The following MDN1 variants were observed in gnomAD, a reference collection of about 807,000 sequenced individuals.
The protein encoded by MDN1 is midasin AAA ATPase 1, also known as midasin.
MDN1 carries 266 observed loss-of-function variants against 669.2 expected under a neutral mutation model. That is an observed-to-expected ratio of 0.40 (90% CI 0.36 to 0.44). The LOEUF is 0.44. MDN1 is among the 20% of genes least tolerant of loss of function. The pLI is 1.00. For missense variants in MDN1, 5,940 were observed against 6,754.0 expected, an observed-to-expected ratio of 0.88 and a Z score of 4.22; for synonymous variants, 2,385 against 2,457.1, an observed-to-expected ratio of 0.97 and a Z score of 0.87.
In MDN1 at chr6:89,730,704, A is replaced by T. The variant is rs201992993; in HGVS notation, c.5140+22T>A. On this transcript the variant is annotated intron_variant, in intron 35 of 101. Coordinates refer to ENST00000369393, the MANE Select transcript of MDN1 (RefSeq NM_014611.3). The stretch of plus-strand genomic sequence containing the variant: ...TATGATCTATAGAAAAGGAAAATTC[A>T]TTTTTTAAAAATCATTCTTACCCCT... 3 of 1,596,002 alleles carry T rather than the reference A, an allele frequency of 1.9e-6. No individual in the cohort carries two copies. In the East Asian group the frequency reaches 6.7e-5, roughly 36 times the overall value.
At chr6:89,725,944 C>T (rs988423846) in intron 37 of MDN1, among the ~76,000 whole-genome samples, 2 of 151,246 alleles carry the variant, frequency 1.3e-5, no homozygotes, top group African/African-American at 2.4e-5. Flanking sequence ...CACACACACA[C>T]ACACACACAC....
intron 15 of MDN1, among the ~76,000 whole-genome samples, chr6:89,767,613 C>T (rs753532140): frequency 6.6e-5 from 10 of 151,920 alleles, no homozygotes; most frequent in South Asian, 2.1e-4. Context: ...CAAAATTATC[C>T]GACATGGTGG....
At chr6:89,689,621 CCCAAAGGAT>C (rs1379031394) in intron 65 of MDN1, among the ~76,000 whole-genome samples, 1 of 152,170 alleles carries the variant, frequency 6.6e-6, no homozygotes, top group Non-Finnish European at 1.5e-5. Context: ...AATCCCTCAC[CCCAAAGGAT>C]CCAAACAATA....
chr6:89,792,989 G>A (rs541194306), intron 5 of MDN1, among the ~76,000 whole-genome samples: 26 of 152,168 alleles, frequency 1.7e-4, no homozygotes, highest in Non-Finnish European at 3.8e-4. Context: ...CACTGCACTT[G>A]CACTACAGCC....
intron 11 of MDN1, 90 bp downstream of exon 11, chr6:89,780,122 G>T (rs1444255799): frequency 3.0e-6 from 2 of 668,724 alleles, no homozygotes; most frequent in Non-Finnish European, 4.9e-6. Context: ...AAAGAAAAAA[G>T]TCTGATGGCA....
chr6:89,782,152 T>C (rs1449363243), intron 9 of MDN1, among the ~76,000 whole-genome samples: 1 of 152,148 alleles, frequency 6.6e-6, no homozygotes, highest in Non-Finnish European at 1.5e-5. Context: ...CAATACAGTT[T>C]CAGCGGTAGA....
chr6:89,748,896 C>A (rs1328367694), intron 26 of MDN1, among the ~76,000 whole-genome samples: 4 of 147,408 alleles, frequency 2.7e-5, no homozygotes, highest in Admixed American at 6.8e-5. Flanking sequence ...CTTGTCTCTA[C>A]AAAAAAAAAA....
At chr6:89,782,484 T>C (rs939610145) in intron 9 of MDN1, among the ~76,000 whole-genome samples, 18 of 151,826 alleles carry the variant, frequency 1.2e-4, no homozygotes, top group Admixed American at 6.6e-4. Context: ...CCCAGGTACC[T>C]GGCAGGCTGA....
chr6:89,804,341 T>A (rs1266693944), intron 1 of MDN1, among the ~76,000 whole-genome samples: 2 of 152,148 alleles, frequency 1.3e-5, no homozygotes, highest in Admixed American at 6.5e-5. Context: ...GTGGAAATTT[T>A]TTGCAATGGA....
chr6:89,803,895 C>T (rs112375347), intron 1 of MDN1, among the ~76,000 whole-genome samples: 35,850 of 76,232 alleles, frequency 0.47, 9,307 homozygotes, highest in East Asian at 0.63. Context: ...CTTTTCTTTT[C>T]TTTTTTTTTT....
At position 89,662,167 on chromosome 6, in the gene MDN1, C is replaced by T. The variant is rs1287727749; in HGVS notation, c.14485G>A (p.Asp4829Asn). 2 of 1,614,096 alleles carry T rather than the reference C, an allele frequency of 1.2e-6. No individual in the cohort carries two copies. Among genetic ancestry groups the T allele is most frequent in the Admixed American group, 3.3e-5 (2 of 60,004 alleles). ...GCTTCTTCCTTTTCTTCCTTCTTAT[C>T]TTGCTGGCTTTTATCTTTGTTTGAA... The part of the protein sequence containing the change: ...GNSNKDKSQQ[D>N]KKEEKEEAEA... Residue 4829 changes from aspartate (D) to asparagine (N), a missense_variant, in exon 87 of 102, where the codon GAT becomes AAT. Physicochemically the swap from Asp to Asn is conservative, Grantham distance 23. Transcript: ENST00000369393.
intron 59 of MDN1, 105 bp from the exon 60 acceptor site, chr6:89,696,679 G>C: frequency 1.2e-6 from 1 of 811,554 alleles, no homozygotes; most frequent in East Asian, 2.6e-5. Context: ...AGGTTGCTTG[G>C]AACAGGTAAG....
chr6:89,795,264 A>T (rs1216013290), intron 2 of MDN1, among the ~76,000 whole-genome samples: 1 of 152,180 alleles, frequency 6.6e-6, no homozygotes, highest in African/African-American at 2.4e-5. Context: ...AACCAAATAG[A>T]TACTCTTCTT....
intron 20 of MDN1, 68 bp from the exon 21 acceptor site, chr6:89,754,298 A>T: frequency 6.7e-7 from 1 of 1,496,308 alleles, no homozygotes; most frequent in African/African-American, 1.4e-5. Flanking sequence ...AATTCTCTAC[A>T]GAAAACCCAA....
chr6:89,764,986 C>T (rs181393482), intron 15 of MDN1, among the ~76,000 whole-genome samples: 51 of 152,258 alleles, frequency 3.3e-4, no homozygotes, highest in Middle Eastern at 3.4e-3. Context: ...GGGCTGGGCG[C>T]GGTGGCTCAC....
Position 89,662,143 on chromosome 6 carries a change from CTTCTTCCTT to C in MDN1, c.14500_14508del (p.Lys4834_Glu4836del), listed in dbSNP as rs759218201. 8.1e-6 allele frequency: 13 copies of C among 1,613,980 alleles called. No individual in the cohort carries two copies. In the South Asian group the frequency reaches 8.8e-5, roughly 11 times the overall value. ...CCTTGTCCACCATCATCAGCTTCTG[CTTCTTCCTT>C]TTCTTCCTTCTTATCTTGCTGGCTT... is the stretch of plus-strand genomic sequence containing the variant. On this transcript the variant is annotated inframe_deletion, in exon 87 of 102. Transcript: ENST00000369393.
In MDN1 at chr6:89,722,956, T is replaced by C; in HGVS notation, c.5966A>G (p.Lys1989Arg). The change falls in exon 40 of 102, where the codon AAG (lysine) becomes AGG (arginine). Residue 1989 changes from lysine (K) to arginine (R), a missense_variant and splice_region_variant. By Grantham distance (26) the Lys-to-Arg change is conservative. Coordinates refer to ENST00000369393, the MANE Select transcript of MDN1 (RefSeq NM_014611.3). The part of the protein sequence containing the change: ...ERMRTEEDKK[K>R]VIAVFKDVFG... ...ACAAATACCAAGCGTGAAACTCACC[T>C]TTTTTTTGTCCTCTTCGGTTCTCAT... is the stretch of plus-strand genomic sequence containing the variant. 1 of 1,565,028 alleles carries C rather than the reference T, an allele frequency of 6.4e-7. No individual in the cohort carries two copies.
chr6:89,749,262 G>A lies in MDN1; in HGVS notation c.3723C>T (p.Ser1241=). ...TGACTTTAACCAACTTGCTGCAATA[G>A]GAGGGTGGCAAACTACACCGCTTGT... is the stretch of plus-strand genomic sequence containing the variant. ...ILHKRCSLPP[S]YCSKLVKVML... The change falls in exon 26 of 102, where the codon TCC becomes TCT. Residue 1241 remains serine, a synonymous_variant. Transcript: ENST00000369393. The A allele has an allele frequency of 1.2e-6, 2 of 1,614,010 alleles. No individual in the cohort carries two copies. Among genetic ancestry groups the A allele is most frequent in the Non-Finnish European group, 1.7e-6 (2 of 1,179,976 alleles).
At chr6:89,687,048 G>A in intron 68 of MDN1, 25 bp from the exon 69 acceptor site, 1 of 1,607,056 alleles carries the variant, frequency 6.2e-7, no homozygotes, top group Non-Finnish European at 8.5e-7. Context: ...AGCCAAGGAG[G>A]CATTTAGGAA....
Sources: allele counts gnomAD v4.1 joint callset (sites outside exome capture counted in the v4.1 genomes callset), GRCh38; gene constraint gnomAD v4.1.1; transcripts MANE v1.5; gene names NCBI Gene and HGNC (gene_info 2026-07-23, HGNC 2026-07-21).